The following SLCO1B1 variants were observed in gnomAD, a reference collection of about 807,000 sequenced individuals.
The protein encoded by SLCO1B1 is solute carrier organic anion transporter family member 1B1, also known as OATP-2.
SLCO1B1 carries 81 observed loss-of-function variants against 70.1 expected under a neutral mutation model. The observed-to-expected ratio is 1.16, with a 90% CI of 0.97 to 1.39. The LOEUF is 1.39. SLCO1B1 is among the 40% of genes most tolerant of loss of function. SLCO1B1 has a pLI of 0.00. For synonymous variants in SLCO1B1, 283 were observed against 271.5 expected, an observed-to-expected ratio of 1.04 and a Z score of -0.42; for missense variants, 895 against 799.6, an observed-to-expected ratio of 1.12 and a Z score of -1.44.
At chr12:21,207,561 C>T (rs926917217) in intron 11 of SLCO1B1, among the ~76,000 whole-genome samples, 2 of 151,950 alleles carry the variant, frequency 1.3e-5, no homozygotes, top group African/African-American at 4.8e-5. Flanking sequence ...AGGTTGAGAC[C>T]GTGTCTTTGC....
At chr12:21,196,790 G>T (rs1417220908) in intron 7 of SLCO1B1, among the ~76,000 whole-genome samples, 156 bp from the exon 8 acceptor site, 1 of 152,130 alleles carries the variant, frequency 6.6e-6, no homozygotes, top group African/African-American at 2.4e-5. Context: ...TCAAATGTTA[G>T]ACTGATCCTA....
chr12:21,186,191 C>G (rs1252519373), intron 7 of SLCO1B1, among the ~76,000 whole-genome samples: 1 of 151,928 alleles, frequency 6.6e-6, no homozygotes, highest in Non-Finnish European at 1.5e-5. Context: ...CACATATGTA[C>G]CTCATATTAT....
At chr12:21,213,902 G>T (rs369192680) in intron 11 of SLCO1B1, among the ~76,000 whole-genome samples, 19,689 of 149,072 alleles carry the variant, frequency 0.13, 1,608 homozygotes, top group Non-Finnish European at 0.18. Context: ...TCGAGCCTTG[G>T]TTTTCAGCTC....
At chr12:21,171,935 A>T (rs1361318611) in intron 2 of SLCO1B1, among the ~76,000 whole-genome samples, 1 of 152,092 alleles carries the variant, frequency 6.6e-6, no homozygotes, top group Non-Finnish European at 1.5e-5. Flanking sequence ...TCATGACCTA[A>T]TTTCCTCAAA....
At chr12:21,215,152 A>G (rs1266718191) in intron 11 of SLCO1B1, among the ~76,000 whole-genome samples, 1 of 152,056 alleles carries the variant, frequency 6.6e-6, no homozygotes, top group Non-Finnish European at 1.5e-5. Flanking sequence ...TTCATTTCCT[A>G]TTTGTCAGTG....
chr12:21,193,843 T>A (rs1220044535), intron 7 of SLCO1B1, among the ~76,000 whole-genome samples: 1 of 152,080 alleles, frequency 6.6e-6, no homozygotes, highest in Non-Finnish European at 1.5e-5. Flanking sequence ...CAGGCTGGAG[T>A]GCAGTGGTGC....
intron 1 of SLCO1B1, among the ~76,000 whole-genome samples, chr12:21,135,936 T>C (rs1266449433): frequency 2.6e-5 from 4 of 152,218 alleles, no homozygotes; most frequent in African/African-American, 7.2e-5. Flanking sequence ...GCCTTGATGG[T>C]CTTTACAATT....
chr12:21,239,310 G>C lies in SLCO1B1; in HGVS notation c.*121G>C, dbSNP rs74064260. 1,370 of 783,268 alleles carry C rather than the reference G, an allele frequency of 1.7e-3. 20 individuals are homozygous for C. The African/African-American group carries it at 0.021, about 12-fold the overall frequency. 48.5% of individuals were successfully genotyped at this position (783,268 alleles called of 1,614,324 possible). On this transcript the variant is annotated 3_prime_UTR_variant, in exon 15 of 15. Transcript: ENST00000256958. ...TAAGAATTTCCACATCTTTTATGGT[G>C]GAAGTATAAATAAGCCTATGAACTT... is the stretch of plus-strand genomic sequence containing the variant.
At chr12:21,138,622 A>G (rs757443822) in intron 1 of SLCO1B1, among the ~76,000 whole-genome samples, 16 of 152,170 alleles carry the variant, frequency 1.1e-4, no homozygotes, top group Non-Finnish European at 1.9e-4. Context: ...GATGTGAAAT[A>G]GTATTTTTCT....
At chr12:21,190,635 A>G (rs954885712) in intron 7 of SLCO1B1, among the ~76,000 whole-genome samples, 1 of 152,134 alleles carries the variant, frequency 6.6e-6, no homozygotes, top group Non-Finnish European at 1.5e-5. Flanking sequence ...TGTACATTGT[A>G]CCCAATATGT....
chr12:21,163,406 G>A (rs1179167858), intron 2 of SLCO1B1, among the ~76,000 whole-genome samples: 2 of 151,942 alleles, frequency 1.3e-5, no homozygotes, highest in African/African-American at 4.8e-5. Flanking sequence ...TTCATAAGTG[G>A]GTAATTTTGA....
intron 7 of SLCO1B1, among the ~76,000 whole-genome samples, chr12:21,185,196 A>C (rs950743983): frequency 1.3e-5 from 2 of 148,436 alleles, no homozygotes; most frequent in African/African-American, 4.8e-5. Flanking sequence ...TGACAGTGTT[A>C]GATATCGAAG....
chr12:21,148,643 A>G lies in SLCO1B1; in HGVS notation c.84+6985A>G, dbSNP rs141354715. 6.4e-3 allele frequency among the ~76,000 whole-genome samples: 947 copies of G among 147,972 alleles called. 13 individuals are homozygous for G. Among genetic ancestry groups the G allele is most frequent in the African/African-American group, 0.022 (882 of 40,176 alleles). ...GTAGTATCATTTAAAGTCAGGAAGCATGATGCCTCCAGCTTTGTTCTTTTT... is the reference window on the plus strand; with the variant it reads ...GTAGTATCATTTAAAGTCAGGAAGCGTGATGCCTCCAGCTTTGTTCTTTTT... On this transcript the variant is annotated intron_variant, in intron 2 of 14. Transcript: ENST00000256958.
intron 7 of SLCO1B1, among the ~76,000 whole-genome samples, chr12:21,187,067 G>C (rs1030806534): frequency 6.6e-6 from 1 of 152,080 alleles, no homozygotes; most frequent in African/African-American, 2.4e-5. Flanking sequence ...TGCATGAGCA[G>C]GTTTTTAATG....
At chr12:21,220,773 G>A (rs1388923085) in intron 12 of SLCO1B1, among the ~76,000 whole-genome samples, 2 of 149,948 alleles carry the variant, frequency 1.3e-5, no homozygotes, top group African/African-American at 2.5e-5. Flanking sequence ...AGCCAAGATC[G>A]CTCCACTGCA....
At chr12:21,139,056 C>T (rs545413666) in intron 1 of SLCO1B1, among the ~76,000 whole-genome samples, 1 of 151,868 alleles carries the variant, frequency 6.6e-6, no homozygotes, top group Admixed American at 6.6e-5. Flanking sequence ...TGAAATAAAC[C>T]AGGTTTGGAG....
At chr12:21,190,755 G>C (rs1461627956) in intron 7 of SLCO1B1, among the ~76,000 whole-genome samples, 1 of 152,014 alleles carries the variant, frequency 6.6e-6, no homozygotes. Context: ...CCAATGATAA[G>C]TGAGAACATA....
chr12:21,187,848 G>C (rs557114658), intron 7 of SLCO1B1, among the ~76,000 whole-genome samples: 12 of 152,144 alleles, frequency 7.9e-5, no homozygotes, highest in Non-Finnish European at 1.6e-4. Flanking sequence ...ATCGGTATTG[G>C]AGAAATTCAA....
intron 7 of SLCO1B1, among the ~76,000 whole-genome samples, chr12:21,195,840 G>T (rs1203695603): frequency 6.6e-6 from 1 of 152,190 alleles, no homozygotes; most frequent in Non-Finnish European, 1.5e-5. Flanking sequence ...CAAGATAGGT[G>T]ATATAGAAGA....
Sources: allele counts gnomAD v4.1 joint callset (sites outside exome capture counted in the v4.1 genomes callset), GRCh38; gene constraint gnomAD v4.1.1; transcripts MANE v1.5; gene names NCBI Gene and HGNC (gene_info 2026-07-23, HGNC 2026-07-21).